The following RALY variants were observed in gnomAD, a reference collection of about 807,000 sequenced individuals.
The protein encoded by RALY is RALY heterogeneous nuclear ribonucleoprotein, also known as RNA-binding protein Raly.
RALY carries 15 observed loss-of-function variants against 30.7 expected under a neutral mutation model. That is an observed-to-expected ratio of 0.49 (90% CI 0.33 to 0.75). The LOEUF is 0.75. Among genes scored for constraint, RALY ranks in the 30% least tolerant of loss-of-function variants. The probability of loss-of-function intolerance (pLI) is 0.02; values close to 1 mark genes in which losing one functional copy is unlikely to be tolerated. For synonymous variants in RALY, 177 were observed against 170.8 expected, an observed-to-expected ratio of 1.04 and a Z score of -0.28; for missense variants, 339 against 414.3, an observed-to-expected ratio of 0.82 and a Z score of 1.58.
intron 2 of RALY, among the ~76,000 whole-genome samples, chr20:34,032,600 G>A (rs1281757736): frequency 6.6e-6 from 1 of 151,070 alleles, no homozygotes; most frequent in African/African-American, 2.4e-5. Context: ...GATTCAAGTG[G>A]TCCTCCTGCC....
chr20:34,079,485 G>A (rs1398834343), intron 9 of RALY, among the ~76,000 whole-genome samples: 1 of 152,186 alleles, frequency 6.6e-6, no homozygotes, highest in African/African-American at 2.4e-5. Flanking sequence ...CCAGGGAGGT[G>A]TCTGGATAGA....
At chr20:34,071,139 C>T (rs1015304259) in intron 2 of RALY, among the ~76,000 whole-genome samples, 4 of 152,132 alleles carry the variant, frequency 2.6e-5, no homozygotes, top group Non-Finnish European at 5.9e-5. Context: ...CCAGGCCCCA[C>T]CTCCAGCACT....
chr20:34,066,315 C>T (rs1192941096), intron 2 of RALY, among the ~76,000 whole-genome samples: 2 of 152,040 alleles, frequency 1.3e-5, no homozygotes, highest in Admixed American at 1.3e-4. Context: ...CCCGTCTCTA[C>T]TAAAAATACA....
At chr20:34,003,674 C>G (rs890714535) in intron 1 of RALY, among the ~76,000 whole-genome samples, 24 of 134,964 alleles carry the variant, frequency 1.8e-4, no homozygotes, top group African/African-American at 5.2e-4. Flanking sequence ...GAGTCTCGCT[C>G]TGTCGCCCAG....
intron 1 of RALY, among the ~76,000 whole-genome samples, chr20:34,021,637 G>A (rs1043971600): frequency 1.2e-4 from 18 of 152,002 alleles, no homozygotes; most frequent in Non-Finnish European, 2.4e-4. Context: ...TGAGCTTTAG[G>A]AGACACATTC....
chr20:34,022,339 A>G (rs1319726401), intron 1 of RALY, among the ~76,000 whole-genome samples: 3 of 151,990 alleles, frequency 2.0e-5, no homozygotes, highest in African/African-American at 7.3e-5. Context: ...GGATCATAGT[A>G]TGAGTTGAGA....
chr20:34,030,216 T>C (rs1394948906), intron 1 of RALY, among the ~76,000 whole-genome samples: 17 of 152,226 alleles, frequency 1.1e-4, no homozygotes, highest in Admixed American at 9.8e-4. Context: ...GAGTTGGACT[T>C]CTGGGTTCAA....
At chr20:34,038,779 CAT>C (rs2032592711) in intron 2 of RALY, among the ~76,000 whole-genome samples, 1 of 152,120 alleles carries the variant, frequency 6.6e-6, no homozygotes, top group African/African-American at 2.4e-5. Context: ...GTAGTTTGCT[CAT>C]ATACAAAATG....
At position 34,032,517 on chromosome 20, in the gene RALY, G is replaced by T. The variant is rs552208395; in HGVS notation, c.-10+913G>T. 2.3e-3 allele frequency among the ~76,000 whole-genome samples: 351 copies of T among 151,926 alleles called. 3 individuals carry two copies. Among genetic ancestry groups the T allele is most frequent in the African/African-American group, 8.0e-3 (332 of 41,400 alleles). On this transcript the variant is annotated intron_variant, in intron 2 of 9. Transcript: ENST00000246194. The stretch of plus-strand genomic sequence containing the variant: ...AAATCCCTTTTTGTGTGTTGGGGGG[G>T]GTTTTATTTTTGTTTTTGGGAGACA...
At chr20:34,025,899 G>GTTTTTTTTTTTTTTTT (rs35827160) in intron 1 of RALY, among the ~76,000 whole-genome samples, 5 of 75,914 alleles carry the variant, frequency 6.6e-5, no homozygotes, top group Non-Finnish European at 1.2e-4. Flanking sequence ...ATTCCTGGTT[G>GTTTTTTTTTTTTTTTT]TTTTTTTTTT....
chr20:34,044,931 G>A (rs774812730), intron 2 of RALY, among the ~76,000 whole-genome samples: 1 of 151,972 alleles, frequency 6.6e-6, no homozygotes, highest in Non-Finnish European at 1.5e-5. Flanking sequence ...TTTATTTATT[G>A]AGACAGGGTT....
In RALY at chr20:34,053,383, A is replaced by ATTTTTTTTTTTTTTTTT. The variant is rs60912814; in HGVS notation, c.-9-18667_-9-18651dup. Among the ~76,000 whole-genome samples the ATTTTTTTTTTTTTTTTT allele has an allele frequency of 4.1e-4, 22 of 54,140 alleles. 3 individuals carry two copies. Among genetic ancestry groups the ATTTTTTTTTTTTTTTTT allele is most frequent in the Non-Finnish European group, 5.7e-4 (18 of 31,324 alleles). The allele number at this position is 54,140 out of a possible 152,430, so 35.5% of individuals were successfully genotyped here. The stretch of plus-strand genomic sequence containing the variant: ...GCCAACATTTAGTAGATGTTCAATA[A>ATTTTTTTTTTTTTTTTT]TTTTTTTTTTTTTTTTTTTTTTTTT... On this transcript the variant is annotated intron_variant, in intron 2 of 9. Transcript: ENST00000246194.
chr20:34,028,285 T>TAA (rs35090141), intron 1 of RALY, among the ~76,000 whole-genome samples: 1 of 131,820 alleles, frequency 7.6e-6, no homozygotes. Flanking sequence ...GACCCTATCT[T>TAA]AAAAAAAAAA....
intron 2 of RALY, among the ~76,000 whole-genome samples, chr20:34,035,250 A>T (rs1419073757): frequency 6.8e-6 from 1 of 147,762 alleles, no homozygotes; most frequent in African/African-American, 2.5e-5. Flanking sequence ...CCTCAGTAAG[A>T]TGAGGGTGGG....
At chr20:34,020,040 A>ACAGAGCG (rs2031760150) in intron 1 of RALY, among the ~76,000 whole-genome samples, 1 of 151,366 alleles carries the variant, frequency 6.6e-6, no homozygotes, top group Non-Finnish European at 1.5e-5. Flanking sequence ...CAGCCTGGGC[A>ACAGAGCG]ACAGAGCAAG....
chr20:34,021,006 G>A (rs1424111183), intron 1 of RALY, among the ~76,000 whole-genome samples: 2 of 151,784 alleles, frequency 1.3e-5, no homozygotes, highest in African/African-American at 4.8e-5. Context: ...CAGTCACCCA[G>A]GCTGGAGTGC....
intron 1 of RALY, among the ~76,000 whole-genome samples, chr20:34,001,522 C>A (rs2030914351): frequency 6.6e-6 from 1 of 152,138 alleles, no homozygotes; most frequent in Non-Finnish European, 1.5e-5. Flanking sequence ...TTTCTTCATT[C>A]CAGAGGCATT....
rs2034072338 is a variant in RALY at position 34,084,389 on chromosome 20, A to T, written c.*4484A>T. On this transcript the variant is annotated 3_prime_UTR_variant, in exon 10 of 10. Coordinates refer to ENST00000246194, the MANE Select transcript of RALY (RefSeq NM_016732.3). ...AGAGCATGGCCATAGGGCCTGTGAG[A>T]ATAGAGGGACAGAGGGGAGAATCCC... 6.6e-6 allele frequency: 1 copy of T among 152,240 alleles called. No homozygotes were observed. The highest frequency in any genetic ancestry group is 1.5e-5 in the Non-Finnish European group (1 of 68,064). The allele number at this position is 152,240 out of a possible 1,614,324, so 9.4% of individuals were successfully genotyped here.
At chr20:34,069,498 A>G (rs1208082244) in intron 2 of RALY, among the ~76,000 whole-genome samples, 1 of 152,162 alleles carries the variant, frequency 6.6e-6, no homozygotes, top group African/African-American at 2.4e-5. Context: ...CCTCTAGCCA[A>G]AGCAGGTGGC....
Sources: allele counts gnomAD v4.1 joint callset (sites outside exome capture counted in the v4.1 genomes callset), GRCh38; gene constraint gnomAD v4.1.1; transcripts MANE v1.5; gene names NCBI Gene and HGNC (gene_info 2026-07-23, HGNC 2026-07-21).